AGTR1: variants seen among roughly 807,000 people sequenced by gnomAD.
AGTR1 encodes the protein angiotensin II receptor type 1.
In AGTR1, 16 loss-of-function variants were observed where a neutral mutation model predicts 19.4. That is an observed-to-expected ratio of 0.82 (90% CI 0.56 to 1.25). The LOEUF (loss-of-function observed/expected upper bound fraction) is 1.25, where lower values mean the gene tolerates loss of function less well. Ranked by LOEUF, AGTR1 falls within the 50% of genes most tolerant of loss-of-function variation. AGTR1 has a pLI of 0.00. For missense variants in AGTR1, 373 were observed against 431.9 expected (o/e 0.86, Z 1.21); for synonymous variants, 153 against 154.9 (o/e 0.99, Z 0.09).
chr3:148,702,466 C>T (rs1394398896), intron 1 of AGTR1, among the ~76,000 whole-genome samples: 1 of 152,026 alleles, frequency 6.6e-6, no homozygotes. Context: ...GATATTAGGC[C>T]CTGAGGATAC....
chr3:148,717,875 A>T (rs568887399), intron 2 of AGTR1, among the ~76,000 whole-genome samples: 1 of 152,354 alleles, frequency 6.6e-6, no homozygotes, highest in Non-Finnish European at 1.5e-5. Context: ...CATTACTAAA[A>T]TTATTCTTGA....
At chr3:148,726,997 T>G (rs1021696791) in intron 2 of AGTR1, among the ~76,000 whole-genome samples, 2 of 152,220 alleles carry the variant, frequency 1.3e-5, no homozygotes, top group Non-Finnish European at 2.9e-5. Flanking sequence ...ATAAGAAATT[T>G]GTAGGGAAAA....
intron 2 of AGTR1, among the ~76,000 whole-genome samples, chr3:148,708,692 T>C (rs1418280702): frequency 6.6e-6 from 1 of 152,308 alleles, no homozygotes; most frequent in East Asian, 1.9e-4. Flanking sequence ...CTGTTTTGTC[T>C]ATCTAACTCT....
At chr3:148,706,535 A>G (rs1017325154) in intron 1 of AGTR1, among the ~76,000 whole-genome samples, 1 of 152,078 alleles carries the variant, frequency 6.6e-6, no homozygotes, top group African/African-American at 2.4e-5. Context: ...AAATGCTTAT[A>G]CAGTAAAAAG....
intron 2 of AGTR1, among the ~76,000 whole-genome samples, chr3:148,726,516 C>T (rs561043788): frequency 6.6e-6 from 1 of 152,290 alleles, no homozygotes; most frequent in Non-Finnish European, 1.5e-5. Flanking sequence ...CTGCAGTCAA[C>T]TGATTTATGT....
intron 2 of AGTR1, among the ~76,000 whole-genome samples, chr3:148,738,364 T>C (rs1476980096): frequency 6.6e-6 from 1 of 152,038 alleles, no homozygotes; most frequent in African/African-American, 2.4e-5. Flanking sequence ...ACATTATTAA[T>C]TCTTTTTCTA....
chr3:148,712,368 A>G (rs1349175961), intron 2 of AGTR1, among the ~76,000 whole-genome samples: 1 of 152,174 alleles, frequency 6.6e-6, no homozygotes, highest in Non-Finnish European at 1.5e-5. Context: ...AACTGGGACA[A>G]CAGGAACAAG....
intron 2 of AGTR1, among the ~76,000 whole-genome samples, chr3:148,714,414 G>A (rs146285915): frequency 1.0e-3 from 157 of 152,204 alleles, no homozygotes; most frequent in African/African-American, 3.6e-3. Context: ...CAGGCAGAGG[G>A]TAGAGCAAAT....
chr3:148,704,026 A>G (rs1011845044), intron 1 of AGTR1, among the ~76,000 whole-genome samples: 2 of 152,150 alleles, frequency 1.3e-5, no homozygotes, highest in African/African-American at 4.8e-5. Context: ...TTATACTTCA[A>G]TAAAGCTTTT....
intron 2 of AGTR1, among the ~76,000 whole-genome samples, chr3:148,739,323 C>T (rs1714743830): frequency 6.6e-6 from 1 of 151,206 alleles, no homozygotes; most frequent in Non-Finnish European, 1.5e-5. Flanking sequence ...CGCACCACTG[C>T]ACTCCAGCCT....
intron 2 of AGTR1, among the ~76,000 whole-genome samples, chr3:148,713,064 A>G (rs1468853302): frequency 6.6e-6 from 1 of 151,586 alleles, no homozygotes; most frequent in Non-Finnish European, 1.5e-5. Flanking sequence ...CAATTAAGTG[A>G]AGGAAAAATC....
In AGTR1 at chr3:148,741,070, A is replaced by C. The variant is rs896587204; in HGVS notation, c.35A>C (p.Lys12Thr). The C allele has an allele frequency of 1.2e-6, 2 of 1,613,980 alleles. No individual in the cohort carries two copies. The highest frequency in any genetic ancestry group is 3.3e-5 in the Admixed American group (2 of 60,026). ...AACTCTTCTACTGAAGATGGTATTA[A>C]AAGAATCCAAGATGATTGTCCCAAA... ...ILNSSTEDGIKRIQDDCPKAG... is the reference protein window; with the variant it reads ...ILNSSTEDGITRIQDDCPKAG... Residue 12 changes from lysine (K) to threonine (T), a missense_variant, in exon 3 of 3, where the codon AAA becomes ACA. By Grantham distance (78) the Lys-to-Thr change is moderately conservative. Transcript: ENST00000349243.
chr3:148,732,180 C>T (rs146439726), intron 2 of AGTR1, among the ~76,000 whole-genome samples: 2,458 of 152,298 alleles, frequency 0.016, 44 homozygotes, highest in Non-Finnish European at 0.021. Context: ...AACTTCATGG[C>T]AAGCTTTTAA....
chr3:148,701,275 CAG>C (rs1211800250), intron 1 of AGTR1, among the ~76,000 whole-genome samples: 2 of 152,084 alleles, frequency 1.3e-5, no homozygotes, highest in African/African-American at 2.4e-5. Context: ...AAATAGAAAA[CAG>C]AGTATATGTT....
chr3:148,709,691 C>T (rs1559923486), intron 2 of AGTR1, among the ~76,000 whole-genome samples: 1 of 152,082 alleles, frequency 6.6e-6, no homozygotes, highest in Admixed American at 6.6e-5. Context: ...TACTGAAATA[C>T]AAAAAGTGTT....
intron 1 of AGTR1, among the ~76,000 whole-genome samples, chr3:148,705,535 A>G (rs1712620774): frequency 6.6e-6 from 1 of 152,124 alleles, no homozygotes; most frequent in Admixed American, 6.6e-5. Flanking sequence ...TTTATCATGA[A>G]TGAAAAAGAT....
At chr3:148,725,468 T>C (rs1274030069) in intron 2 of AGTR1, among the ~76,000 whole-genome samples, 1 of 152,192 alleles carries the variant, frequency 6.6e-6, no homozygotes, top group Non-Finnish European at 1.5e-5. Context: ...ATCTGTAAAG[T>C]AAAATTTTAT....
intron 2 of AGTR1, among the ~76,000 whole-genome samples, chr3:148,738,467 C>T (rs971995398): frequency 1.3e-5 from 2 of 151,846 alleles, no homozygotes; most frequent in Admixed American, 6.6e-5. Flanking sequence ...CTAGCCCTAA[C>T]CCTTTAATGA....
In AGTR1 at chr3:148,718,422, C is replaced by CA. The variant is rs553786759; in HGVS notation, c.-48+10396dup. On this transcript the variant is annotated intron_variant, in intron 2 of 2. Transcript: ENST00000349243. Reference sequence around the variant, plus strand: ...GGATGGCTCTGTAAATGGGATGCCTCATGTTCAGGTTTCTGGAAGGCTCAG... The same window carrying CA: ...GGATGGCTCTGTAAATGGGATGCCTCAATGTTCAGGTTTCTGGAAGGCTCAG... 2.7e-3 allele frequency among the ~76,000 whole-genome samples: 412 copies of CA among 152,242 alleles called. 1 individual carries two copies. The highest frequency in any genetic ancestry group is 9.4e-3 in the African/African-American group (391 of 41,550).
Sources: allele counts gnomAD v4.1 joint callset (sites outside exome capture counted in the v4.1 genomes callset), GRCh38; gene constraint gnomAD v4.1.1; transcripts MANE v1.5; gene names NCBI Gene and HGNC (gene_info 2026-07-23, HGNC 2026-07-21).